COX7A2L: variants seen among roughly 807,000 people sequenced by gnomAD.
COX7A2L encodes the protein cytochrome c oxidase subunit 7A2 like.
A neutral mutation model predicts 14.2 loss-of-function variants in COX7A2L; 18 were observed. That is an observed-to-expected ratio of 1.27 (90% CI 0.88 to 1.88). COX7A2L has a LOEUF of 1.88. Ranked by LOEUF, COX7A2L falls within the 40% of genes most tolerant of loss-of-function variation. The pLI, the probability that COX7A2L is intolerant of heterozygous loss-of-function variation, is 0.00. For synonymous variants in COX7A2L, 65 were observed against 57.4 expected (o/e 1.13, Z -0.60); for missense variants, 179 against 138.8 (o/e 1.29, Z -1.46).
chr2:42,348,875 G>A (rs28873715), downstream of COX7A2L, among the ~76,000 whole-genome samples: 6 of 151,906 alleles, frequency 3.9e-5, no homozygotes, highest in African/African-American at 1.2e-4. Context: ...CCAAGATCAC[G>A]TCACTGCTCT....
At position 42,342,813 on chromosome 2, in the gene COX7A2L, C is replaced by T. The variant is rs1670426487; in HGVS notation, c.193-8944G>A. Among the ~76,000 whole-genome samples, 1 of 152,162 alleles carries T rather than the reference C, an allele frequency of 6.6e-6. No individual in the cohort carries two copies. The highest frequency in any genetic ancestry group is 6.5e-5 in the Admixed American group (1 of 15,288). Reference sequence around the variant, plus strand: ...TCAGCGCCCCCCGTTTCGGGTTTTGCAGCAGACTTCCCCTGGGAAGTCAGC... The same window carrying T: ...TCAGCGCCCCCCGTTTCGGGTTTTGTAGCAGACTTCCCCTGGGAAGTCAGC... On this transcript the variant is annotated intron_variant, in intron 2 of 2. Transcript: ENST00000468711. This position sits in a 1 kb window ranked among gnomAD's most constrained non-coding sequence, Gnocchi z 4.9.
At chr2:42,349,336 A>T (rs575912031), downstream of COX7A2L, 2 of 152,366 alleles carry the variant, frequency 1.3e-5, no homozygotes, top group African/African-American at 4.8e-5. Context: ...GAGAGAAGCC[A>T]GTCACGTACA....
Position 42,353,069 on chromosome 2 carries a change from G to A in COX7A2L, c.204+143C>T. The A allele has an allele frequency of 2.0e-6, 2 of 1,006,734 alleles. 1 individual carries two copies. The highest frequency in any genetic ancestry group is 2.9e-6 in the Non-Finnish European group (2 of 693,062). The allele number at this position is 1,006,734 out of a possible 1,614,324, so 62.4% of individuals were successfully genotyped here. ...CCTATATAAAGTTCTATTCGTTTAT[G>A]GCTCAAACTAAAATCAAGAGAATAC... is the stretch of plus-strand genomic sequence containing the variant. On this transcript the variant is annotated intron_variant, in intron 2 of 2. Transcript: ENST00000234301.
upstream of COX7A2L, among the ~76,000 whole-genome samples, chr2:42,362,266 G>C (rs1172038396): frequency 6.6e-6 from 1 of 152,144 alleles, no homozygotes; most frequent in East Asian, 1.9e-4. Context: ...TGTGTAAAAG[G>C]AGTATACTAG....
chr2:42,346,485 A>G (rs756997348), downstream of COX7A2L, among the ~76,000 whole-genome samples: 12 of 152,194 alleles, frequency 7.9e-5, 1 homozygote, highest in South Asian at 4.1e-4. Flanking sequence ...AGCATTATCA[A>G]TAAGTACTCT....
chr2:42,336,896 A>G (rs1036470575), intron 2 of COX7A2L, among the ~76,000 whole-genome samples: 1 of 152,170 alleles, frequency 6.6e-6, no homozygotes, highest in Admixed American at 6.5e-5. Context: ...GAACCTGCCT[A>G]GTGCAAGGAA....
chr2:42,360,462 G>A (rs1008930252), intron 1 of COX7A2L, among the ~76,000 whole-genome samples: 1 of 152,136 alleles, frequency 6.6e-6, no homozygotes, highest in Admixed American at 6.5e-5. Context: ...ACTCCAATTG[G>A]TAGAATCTGC....
chr2:42,356,858 C>T (rs559860859), intron 1 of COX7A2L, among the ~76,000 whole-genome samples: 1 of 152,126 alleles, frequency 6.6e-6, no homozygotes, highest in Non-Finnish European at 1.5e-5. Flanking sequence ...CCCAGGCGGT[C>T]GAGGCTGTAG....
At chr2:42,359,220 G>GT (rs961731281) in intron 1 of COX7A2L, 3 of 152,222 alleles carry the variant, frequency 2.0e-5, no homozygotes, top group Admixed American at 6.5e-5. Context: ...ACAGTGAACT[G>GT]TGACTGTGCC....
intron 2 of COX7A2L, among the ~76,000 whole-genome samples, chr2:42,336,692 G>A (rs554044209): frequency 3.3e-4 from 50 of 152,294 alleles, no homozygotes; most frequent in Non-Finnish European, 4.6e-4. Flanking sequence ...AGCCGTCACC[G>A]TAGAGCTCTG....
At chr2:42,362,413 G>T (rs766303502), upstream of COX7A2L, among the ~76,000 whole-genome samples, 1 of 152,132 alleles carries the variant, frequency 6.6e-6, no homozygotes, top group Non-Finnish European at 1.5e-5. Flanking sequence ...ATATAGCATT[G>T]CCCTAAACTC....
At chr2:42,347,670 C>T (rs1433671832), downstream of COX7A2L, among the ~76,000 whole-genome samples, 1 of 152,136 alleles carries the variant, frequency 6.6e-6, no homozygotes, top group Non-Finnish European at 1.5e-5. Flanking sequence ...ACCTGTAATC[C>T]CAACACTTTG....
chr2:42,359,001 A>C (rs1225591649), intron 1 of COX7A2L: 2 of 152,218 alleles, frequency 1.3e-5, no homozygotes, highest in Non-Finnish European at 2.9e-5. Context: ...AAGAACATCT[A>C]CTACCACCAA....
chr2:42,338,150 G>A lies in COX7A2L; in HGVS notation c.193-4281C>T, dbSNP rs527796302. On this transcript the variant is annotated intron_variant, in intron 2 of 2. Coordinates refer to the COX7A2L transcript ENST00000468711. This position sits in a 1 kb window ranked among gnomAD's most constrained non-coding sequence, Gnocchi z 4.4. ...GTTGGTCCATAACCCTACTCCCCATGCTCCTGGCCCACATGCAAGGCAGAG... is the reference window on the plus strand; with the variant it reads ...GTTGGTCCATAACCCTACTCCCCATACTCCTGGCCCACATGCAAGGCAGAG... 1.3e-5 allele frequency among the ~76,000 whole-genome samples: 2 copies of A among 152,122 alleles called. No homozygotes were observed. Among genetic ancestry groups the A allele is most frequent in the Non-Finnish European group, 2.9e-5 (2 of 68,014 alleles).
chr2:42,351,231 G>C lies in COX7A2L; in HGVS notation c.333C>G (p.Pro111=). ...CLIALYMASQ[P]KNK ...TCTGCAGCCTAACTCATTTGTTTTT[G>C]GGCTGCGAAGCCATGTAGAGGGCGA... The change falls in exon 3 of 3, where the codon CCC becomes CCG. Residue 111 remains proline (P), a synonymous_variant. Coordinates refer to ENST00000234301, the MANE Select transcript of COX7A2L (RefSeq NM_004718.4). The C allele has an allele frequency of 6.2e-7, 1 of 1,613,496 alleles. No homozygotes were observed. Among genetic ancestry groups the C allele is most frequent in the Non-Finnish European group, 8.5e-7 (1 of 1,179,696 alleles).
chr2:42,360,389 A>C (rs1305125816), intron 1 of COX7A2L, among the ~76,000 whole-genome samples: 2 of 152,198 alleles, frequency 1.3e-5, no homozygotes, highest in Non-Finnish European at 2.9e-5. Flanking sequence ...CCATGATTTG[A>C]AAAGGCACGT....
intron 1 of COX7A2L, among the ~76,000 whole-genome samples, chr2:42,356,075 G>A (rs1218553314): frequency 6.6e-6 from 1 of 152,048 alleles, no homozygotes; most frequent in Non-Finnish European, 1.5e-5. Flanking sequence ...TGTCACTCAG[G>A]CTGGAGTGCA....
intron 1 of COX7A2L, among the ~76,000 whole-genome samples, chr2:42,368,570 G>C (rs770382741): frequency 6.6e-6 from 1 of 152,186 alleles, no homozygotes; most frequent in Non-Finnish European, 1.5e-5. Context: ...CTAATTATCA[G>C]CAGTATTTAA....
chr2:42,363,999 TACTG>T (rs1179835060), upstream of COX7A2L, among the ~76,000 whole-genome samples: 2 of 152,152 alleles, frequency 1.3e-5, no homozygotes, highest in African/African-American at 2.4e-5. Flanking sequence ...AATTGGGTAA[TACTG>T]AGTAGAGATA....
Sources: allele counts gnomAD v4.1 joint callset (sites outside exome capture counted in the v4.1 genomes callset), GRCh38; gene constraint gnomAD v4.1.1; non-coding constraint Gnocchi (gnomAD v3.1); transcripts MANE v1.5; gene names NCBI Gene and HGNC (gene_info 2026-07-23, HGNC 2026-07-21).